The following DPP6 variants were observed in gnomAD, a reference collection of about 807,000 sequenced individuals.
DPP6 encodes the protein dipeptidyl peptidase like 6, also known as A-type potassium channel modulatory protein DPP6.
DPP6 carries 69 observed loss-of-function variants against 122.6 expected under a neutral mutation model. The observed-to-expected ratio is 0.56, with a 90% confidence interval of 0.46 to 0.69. The LOEUF (loss-of-function observed/expected upper bound fraction) is 0.69, where lower values mean the gene tolerates loss of function less well. Ranked by LOEUF, DPP6 falls within the 30% of genes least tolerant of loss-of-function variation. DPP6 has a pLI of 0.00. For synonymous variants in DPP6, 418 were observed against 433.1 expected (o/e 0.97, Z 0.43); for missense variants, 928 against 1,116.9 (o/e 0.83, Z 2.41).
chr7:153,982,850 GT>G (rs1273669226), intron 1 of DPP6, among the ~76,000 whole-genome samples: 1 of 152,192 alleles, frequency 6.6e-6, no homozygotes, highest in African/African-American at 2.4e-5. Flanking sequence ...TCCAGACCCT[GT>G]TTGCCTGGGT....
rs373248869 is a variant in DPP6, at chr7:153,964,218, A to G, written c.51+76484A>G. Among the ~76,000 whole-genome samples, 16 of 151,810 alleles carry G rather than the reference A, an allele frequency of 1.1e-4. 1 individual carries two copies. The East Asian group carries it at 1.5e-3, about 15-fold the overall frequency. On this transcript the variant is annotated intron_variant, in intron 1 of 25. Transcript: ENST00000404039. ...ACCATGTTGATCAAGCTGATCTCGA[A>G]CTCCTGACCTCAAGTGATCCACCTG...
chr7:154,421,408 C>T (rs989343368), intron 1 of DPP6, among the ~76,000 whole-genome samples: 5 of 151,926 alleles, frequency 3.3e-5, no homozygotes, highest in East Asian at 1.9e-4. Flanking sequence ...CTGCAACCTC[C>T]GCCTCCCAGG....
At chr7:153,988,837 C>G (rs1796979458) in intron 1 of DPP6, among the ~76,000 whole-genome samples, 1 of 151,746 alleles carries the variant, frequency 6.6e-6, no homozygotes, top group Non-Finnish European at 1.5e-5. Flanking sequence ...ATGGAGATTG[C>G]ATTGCTTTCC....
At chr7:154,484,640 A>G (rs568898513) in intron 3 of DPP6, among the ~76,000 whole-genome samples, 39 of 152,206 alleles carry the variant, frequency 2.6e-4, no homozygotes, top group African/African-American at 9.4e-4. Context: ...AGCATGTTCA[A>G]CTTTAGTCTG....
At chr7:153,992,998 C>T (rs1312324877) in intron 1 of DPP6, among the ~76,000 whole-genome samples, 4 of 152,164 alleles carry the variant, frequency 2.6e-5, no homozygotes, top group African/African-American at 7.2e-5. Flanking sequence ...CCTCCTTCCC[C>T]GGTATACTTG....
intron 1 of DPP6, among the ~76,000 whole-genome samples, chr7:154,022,885 CGGGG>C (rs1798772080): frequency 3.9e-5 from 6 of 152,162 alleles, no homozygotes; most frequent in Non-Finnish European, 7.4e-5. Context: ...CATCAAAGAG[CGGGG>C]AGAACCCAAC....
At chr7:154,841,943 A>G (rs1801584744) in intron 16 of DPP6, among the ~76,000 whole-genome samples, 1 of 152,156 alleles carries the variant, frequency 6.6e-6, no homozygotes, top group African/African-American at 2.4e-5. Context: ...ATCAAACGGC[A>G]ACAAAACCTG....
intron 6 of DPP6, among the ~76,000 whole-genome samples, chr7:154,647,801 A>G (rs1020735303): frequency 6.6e-6 from 1 of 152,130 alleles, no homozygotes; most frequent in Non-Finnish European, 1.5e-5. Flanking sequence ...CGCGTGTTGA[A>G]CCAGCCATTA....
chr7:154,243,488 A>G (rs1026877335), intron 1 of DPP6, among the ~76,000 whole-genome samples: 1 of 152,176 alleles, frequency 6.6e-6, no homozygotes, highest in African/African-American at 2.4e-5. Flanking sequence ...AGATGGGTAT[A>G]ATAATAGTTA....
chr7:154,702,386 G>A (rs1056902055), intron 7 of DPP6, among the ~76,000 whole-genome samples: 1 of 152,248 alleles, frequency 6.6e-6, no homozygotes, highest in African/African-American at 2.4e-5. Context: ...AAAGCACCAC[G>A]ATAGGCTGAA....
the DPP6 span, among the ~76,000 whole-genome samples, chr7:153,765,071 A>G: frequency 2.6e-5 from 4 of 151,262 alleles, no homozygotes; most frequent in Admixed American, 1.3e-4. Context: ...TTCTTCCTCC[A>G]CCCAAAAGAT....
At chr7:154,159,439 A>G (rs1334028540) in intron 1 of DPP6, among the ~76,000 whole-genome samples, 2 of 152,234 alleles carry the variant, frequency 1.3e-5, no homozygotes, top group African/African-American at 4.8e-5. Flanking sequence ...TCAGCAGTAA[A>G]GAGGAAATAA....
chr7:154,578,448 A>G (rs1831822823), intron 5 of DPP6, among the ~76,000 whole-genome samples: 1 of 152,204 alleles, frequency 6.6e-6, no homozygotes, highest in Non-Finnish European at 1.5e-5. Flanking sequence ...GAGCATTGAG[A>G]GAACCTTGGG....
intron 1 of DPP6, among the ~76,000 whole-genome samples, chr7:154,240,412 C>T (rs1489641194): frequency 6.6e-6 from 1 of 152,062 alleles, no homozygotes; most frequent in Non-Finnish European, 1.5e-5. Flanking sequence ...CAATACAGTC[C>T]ACAGGCTTTT....
rs1331085727 is a variant in DPP6 at position 154,060,480 on chromosome 7, A to T, written c.243+7417A>T. Among the ~76,000 whole-genome samples the T allele has an allele frequency of 3.8e-5, 5 of 130,714 alleles. 1 individual carries two copies. Among genetic ancestry groups the T allele is most frequent in the Non-Finnish European group, 8.0e-5 (5 of 62,304 alleles). The allele number at this position is 130,714 out of a possible 152,430, so 85.8% of individuals were successfully genotyped here. A position where few individuals can be genotyped will look rare whatever the true frequency, so the allele number is the denominator to read the frequency against. On this transcript the variant is annotated intron_variant, in intron 1 of 25. Transcript: ENST00000377770. ...CTTCCCCCTCTGGCTTAGGACCTCC[A>T]TCGTTGATCCTAAGATCCTTAGGAC...
rs1585184632 is a variant in DPP6 at position 154,019,201 on chromosome 7, T to C, written c.51+131467T>C. On this transcript the variant is annotated intron_variant, in intron 1 of 25. Coordinates refer to the DPP6 transcript ENST00000404039. Reference sequence around the variant, plus strand: ...CTATTCCTAACAGGGCCCTGCTTATTAAGAGTCTGTTATCTTCTTTAAATT... The same window carrying C: ...CTATTCCTAACAGGGCCCTGCTTATCAAGAGTCTGTTATCTTCTTTAAATT... Among the ~76,000 whole-genome samples the C allele has an allele frequency of 2.0e-5, 3 of 152,300 alleles. No individual in the cohort carries two copies. In the South Asian group the frequency reaches 6.2e-4, roughly 32 times the overall value.
intron 3 of DPP6, among the ~76,000 whole-genome samples, chr7:154,488,772 T>C (rs982872961): frequency 6.6e-6 from 1 of 152,162 alleles, no homozygotes; most frequent in Non-Finnish European, 1.5e-5. Context: ...CTATGTCCTA[T>C]GGAAGGTACT....
chr7:154,358,825 C>T (rs1409701189), intron 1 of DPP6, among the ~76,000 whole-genome samples: 1 of 152,158 alleles, frequency 6.6e-6, no homozygotes. Context: ...CCTGCCTCAG[C>T]CTCCCAAGTG....
intron 1 of DPP6, among the ~76,000 whole-genome samples, chr7:154,298,760 T>G (rs1439213908): frequency 6.6e-6 from 1 of 152,092 alleles, no homozygotes; most frequent in African/African-American, 2.4e-5. Flanking sequence ...GCAGCTCTCT[T>G]GGTTTATACT....
Sources: allele counts gnomAD v4.1 joint callset (sites outside exome capture counted in the v4.1 genomes callset), GRCh38; gene constraint gnomAD v4.1.1; transcripts MANE v1.5; gene names NCBI Gene and HGNC (gene_info 2026-07-23, HGNC 2026-07-21).